Variants in GRM5 observed in about 807,000 individuals in gnomAD.
GRM5 encodes the protein glutamate metabotropic receptor 5, also known as metabotropic glutamate receptor 5.
GRM5 carries 19 observed loss-of-function variants against 83.1 expected under a neutral mutation model. The ratio of observed to expected loss-of-function variants is 0.23; its 90% CI spans 0.16 to 0.34. The LOEUF is 0.34. Ranked by LOEUF, GRM5 falls within the 10% of genes least tolerant of loss-of-function variation. GRM5 has a pLI of 1.00. For synonymous variants in GRM5, 675 were observed against 633.6 expected (o/e 1.07, Z -0.98); for missense variants, 1,160 against 1,588.3 (o/e 0.73, Z 4.58).
At chr11:88,853,175 A>G (rs1181472719) in intron 2 of GRM5, among the ~76,000 whole-genome samples, 3 of 152,144 alleles carry the variant, frequency 2.0e-5, no homozygotes, top group African/African-American at 7.2e-5. Context: ...ATCATAGCCC[A>G]ATGTCTTCAC....
chr11:88,602,309 G>C (rs116397513), intron 5 of GRM5, among the ~76,000 whole-genome samples: 1,652 of 152,198 alleles, frequency 0.011, 31 homozygotes, highest in African/African-American at 0.037. Flanking sequence ...AAAAATTCTG[G>C]GTTCTGTAAC....
intron 2 of GRM5, among the ~76,000 whole-genome samples, chr11:88,892,558 G>T (rs374673694): frequency 6.6e-6 from 1 of 151,884 alleles, no homozygotes; most frequent in Admixed American, 6.6e-5. Context: ...AAATATTCAC[G>T]CCAAGTATAA....
intron 2 of GRM5, among the ~76,000 whole-genome samples, chr11:88,889,298 G>A (rs146522537): frequency 2.0e-5 from 3 of 151,924 alleles, no homozygotes; most frequent in Non-Finnish European, 2.9e-5. Flanking sequence ...TAAACCAGGT[G>A]CCTCCCAAAG....
intron 2 of GRM5, among the ~76,000 whole-genome samples, chr11:88,970,236 T>C (rs1235767590): frequency 2.0e-5 from 3 of 152,130 alleles, no homozygotes; most frequent in Non-Finnish European, 2.9e-5. Flanking sequence ...GATAAATGGA[T>C]GCTTTTTTCT....
chr11:88,654,533 CAAAG>C (rs1191031303), intron 3 of GRM5, among the ~76,000 whole-genome samples: 1 of 151,812 alleles, frequency 6.6e-6, no homozygotes, highest in African/African-American at 2.4e-5. Context: ...CAAGTAACCT[CAAAG>C]AGAGAAGAGA....
intron 3 of GRM5, among the ~76,000 whole-genome samples, chr11:88,669,910 G>A (rs146281142): frequency 4.5e-4 from 68 of 152,090 alleles, no homozygotes; most frequent in Admixed American, 1.9e-3. Context: ...CCTTGGTGGG[G>A]TTTAGGTGGA....
rs573775578 is a variant in GRM5 at position 88,716,627 on chromosome 11, C to T, written c.912-63224G>A. Reference sequence around the variant, plus strand: ...CAGGAGAGGCTTAGTATTTCTTGAGCACCCACACTGTACCAAATACTGTAA... The same window carrying T: ...CAGGAGAGGCTTAGTATTTCTTGAGTACCCACACTGTACCAAATACTGTAA... On this transcript the variant is annotated intron_variant, in intron 3 of 9. Coordinates refer to ENST00000305447, the MANE Select transcript of GRM5 (RefSeq NM_001143831.3). Among the ~76,000 whole-genome samples, 4 of 152,030 alleles carry T rather than the reference C, an allele frequency of 2.6e-5. No homozygotes were observed. In the East Asian group the frequency reaches 7.8e-4, roughly 29 times the overall value.
At chr11:88,977,093 G>C (rs1395524466) in intron 2 of GRM5, among the ~76,000 whole-genome samples, 1 of 151,326 alleles carries the variant, frequency 6.6e-6, no homozygotes, top group Non-Finnish European at 1.5e-5. Flanking sequence ...CATTTGAAGA[G>C]ATTAAAACAA....
Position 88,759,562 on chromosome 11 carries a change from C to A in GRM5, c.911+90344G>T, listed in dbSNP as rs570446222. On this transcript the variant is annotated intron_variant, in intron 3 of 9. Transcript: ENST00000305447. Reference sequence around the variant, plus strand: ...TATATATGTACTAAATACAAGAGCACCCTGATTCATAAAGCAAGTTCTTAG... The same window carrying A: ...TATATATGTACTAAATACAAGAGCAACCTGATTCATAAAGCAAGTTCTTAG... Among the ~76,000 whole-genome samples, 4 of 152,208 alleles carry A rather than the reference C, an allele frequency of 2.6e-5. No homozygotes were observed. The South Asian group carries it at 8.3e-4, about 32-fold the overall frequency.
At chr11:88,618,660 G>A (rs1938550563) in intron 4 of GRM5, among the ~76,000 whole-genome samples, 2 of 151,554 alleles carry the variant, frequency 1.3e-5, no homozygotes, top group Admixed American at 6.6e-5. Flanking sequence ...AGAAGCTTGT[G>A]GGGACCAAAG....
At position 88,849,994 on chromosome 11, in the gene GRM5, C is replaced by T. The variant is rs1944361758; in HGVS notation, c.823G>A (p.Ala275Thr). The T allele has an allele frequency of 1.9e-6, 3 of 1,613,808 alleles. No homozygotes were observed. The highest frequency in any genetic ancestry group is 2.7e-5 in the African/African-American group (2 of 74,918). ...TSHLPKARVV[A>T]CFCEGMTVRG... Reference sequence around the variant, plus strand: ...ACCGTCATGCCCTCACAGAAGCAGGCCACCACCCGGGCCTTGGGCAAGTGA... The same window carrying T: ...ACCGTCATGCCCTCACAGAAGCAGGTCACCACCCGGGCCTTGGGCAAGTGA... The change falls in exon 3 of 10, where the codon GCC (alanine) becomes ACC (threonine). Residue 275 changes from alanine to threonine, a missense_variant. Around this residue, in one of 9 missense-constraint regions of GRM5, gnomAD observed 84 missense variants for 231.0 expected, o/e 0.36. Coordinates refer to ENST00000305447, the MANE Select transcript of GRM5 (RefSeq NM_001143831.3).
intron 3 of GRM5, among the ~76,000 whole-genome samples, chr11:88,831,564 GTATCCC>G (rs1045499598): frequency 2.0e-5 from 3 of 152,140 alleles, no homozygotes; most frequent in African/African-American, 7.2e-5. Context: ...CCCCATTCAA[GTATCCC>G]TCACCCAGTG....
At chr11:88,562,003 T>A (rs1236130545) in intron 8 of GRM5, among the ~76,000 whole-genome samples, 3 of 152,126 alleles carry the variant, frequency 2.0e-5, no homozygotes, top group Non-Finnish European at 4.4e-5. Context: ...TCACTAAAGA[T>A]ATGAACTACT....
At chr11:88,670,296 G>C (rs1386451355) in intron 3 of GRM5, among the ~76,000 whole-genome samples, 1 of 151,900 alleles carries the variant, frequency 6.6e-6, no homozygotes, top group African/African-American at 2.4e-5. Flanking sequence ...AAATCTTCTT[G>C]ATAATAATAA....
At chr11:88,871,851 T>C (rs1244355504) in intron 2 of GRM5, among the ~76,000 whole-genome samples, 1 of 151,368 alleles carries the variant, frequency 6.6e-6, no homozygotes, top group East Asian at 1.9e-4. Flanking sequence ...AAATATCTTG[T>C]AATCCCATAA....
intron 3 of GRM5, among the ~76,000 whole-genome samples, chr11:88,783,772 A>T (rs936189781): frequency 2.0e-5 from 3 of 152,074 alleles, no homozygotes; most frequent in Non-Finnish European, 4.4e-5. Context: ...GTATGCACTT[A>T]GAAAACATCT....
At chr11:88,777,951 C>A (rs1942892943) in intron 3 of GRM5, among the ~76,000 whole-genome samples, 1 of 152,184 alleles carries the variant, frequency 6.6e-6, no homozygotes, top group South Asian at 2.1e-4. Context: ...ATTCTCAGAG[C>A]TCAAATGCCA....
At chr11:88,950,763 C>T (rs1223754836) in intron 2 of GRM5, among the ~76,000 whole-genome samples, 1 of 152,086 alleles carries the variant, frequency 6.6e-6, no homozygotes, top group Non-Finnish European at 1.5e-5. Flanking sequence ...GAGTAGCTAC[C>T]CAAAAAGCTA....
At chr11:88,727,691 C>G (rs1047738330) in intron 3 of GRM5, among the ~76,000 whole-genome samples, 1 of 152,198 alleles carries the variant, frequency 6.6e-6, no homozygotes, top group African/African-American at 2.4e-5. Flanking sequence ...AACAGTCTCT[C>G]AGACCACAGT....
Sources: allele counts gnomAD v4.1 joint callset (sites outside exome capture counted in the v4.1 genomes callset), GRCh38; gene constraint gnomAD v4.1.1; regional missense constraint gnomAD v4.1.1; transcripts MANE v1.5; gene names NCBI Gene and HGNC (gene_info 2026-07-23, HGNC 2026-07-21).